CCDC171: variants seen among roughly 807,000 people sequenced by gnomAD.
CCDC171 encodes the protein coiled-coil domain-containing protein 171.
A neutral mutation model predicts 168.2 loss-of-function variants in CCDC171; 177 were observed. That is an observed-to-expected ratio of 1.05 (90% CI 0.93 to 1.19). The LOEUF (loss-of-function observed/expected upper bound fraction) is 1.19. Ranked by LOEUF, CCDC171 falls within the 50% of genes most tolerant of loss-of-function variation. CCDC171 has a pLI of 0.00. For missense variants in CCDC171, 1,991 were observed against 1,539.0 expected (o/e 1.29, Z -4.91); for synonymous variants, 687 against 540.8 (o/e 1.27, Z -3.75).
chr9:15,646,016 AAAG>A lies in CCDC171; in HGVS notation c.823-11110_823-11108del, dbSNP rs535381567. On this transcript the variant is annotated intron_variant, in intron 7 of 25. Transcript: ENST00000380701. Reference sequence around the variant, plus strand: ...CAGAGAGAAAGGTCGGGTTACCCACAAAGGGAAGCCCATCAGACTAACAGTGGA... The same window carrying A: ...CAGAGAGAAAGGTCGGGTTACCCACAGGAAGCCCATCAGACTAACAGTGGA... Among the ~76,000 whole-genome samples, 32 of 152,332 alleles carry A rather than the reference AAAG, an allele frequency of 2.1e-4. No individual in the cohort carries two copies. In the East Asian group the frequency reaches 4.4e-3, roughly 21 times the overall value.
At chr9:16,106,016 G>C in the CCDC171 span, among the ~76,000 whole-genome samples, 2 of 152,160 alleles carry the variant, frequency 1.3e-5, no homozygotes, top group East Asian at 3.9e-4. Context: ...CCACCCTTTG[G>C]CTTGGTCCAA....
chr9:15,638,839 C>A (rs983911384), intron 7 of CCDC171, among the ~76,000 whole-genome samples: 2 of 151,596 alleles, frequency 1.3e-5, no homozygotes, highest in African/African-American at 4.8e-5. Flanking sequence ...GAAAAGCAAA[C>A]TGGAAAAAGA....
chr9:15,777,240 A>T (rs2057374905), intron 18 of CCDC171, among the ~76,000 whole-genome samples: 1 of 152,220 alleles, frequency 6.6e-6, no homozygotes, highest in Non-Finnish European at 1.5e-5. Flanking sequence ...CTTGTCTGAG[A>T]ATATAAATAG....
intron 6 of CCDC171, among the ~76,000 whole-genome samples, chr9:15,621,576 G>A (rs544129070): frequency 7.9e-5 from 12 of 152,082 alleles, no homozygotes; most frequent in Non-Finnish European, 1.8e-4. Context: ...TAAGAATAAG[G>A]AATTGGAATC....
intron 4 of CCDC171, among the ~76,000 whole-genome samples, chr9:15,584,534 G>C (rs1465753421): frequency 6.6e-6 from 1 of 152,178 alleles, no homozygotes; most frequent in Non-Finnish European, 1.5e-5. Context: ...CAGCAAGCCT[G>C]TTTGTTCAGT....
intron 4 of CCDC171, among the ~76,000 whole-genome samples, chr9:16,021,250 G>T (rs1833154840): frequency 6.6e-6 from 1 of 152,144 alleles, no homozygotes; most frequent in African/African-American, 2.4e-5. Context: ...ACCACACCCA[G>T]CTAGTTTTTG....
At chr9:15,554,404 G>T (rs1322399839) in intron 1 of CCDC171, among the ~76,000 whole-genome samples, 1 of 152,174 alleles carries the variant, frequency 6.6e-6, no homozygotes, top group Non-Finnish European at 1.5e-5. Flanking sequence ...TTCATAAAAT[G>T]CAGAGGAAAC....
chr9:15,825,922 T>C (rs114312075), intron 21 of CCDC171, among the ~76,000 whole-genome samples: 1,870 of 152,244 alleles, frequency 0.012, 37 homozygotes, highest in African/African-American at 0.043. Flanking sequence ...GAAATAATAC[T>C]CCATAGACTC....
intron 22 of CCDC171, among the ~76,000 whole-genome samples, chr9:15,847,565 G>T (rs899797959): frequency 6.6e-6 from 1 of 151,904 alleles, no homozygotes; most frequent in Non-Finnish European, 1.5e-5. Context: ...ACAGTTCTTT[G>T]TACAACAGCA....
intron 21 of CCDC171, among the ~76,000 whole-genome samples, chr9:15,812,006 G>C (rs2059377357): frequency 6.6e-6 from 1 of 152,102 alleles, no homozygotes; most frequent in Non-Finnish European, 1.5e-5. Context: ...TGTATCTAAT[G>C]ATCCTACACG....
At chr9:15,805,195 T>C (rs1020954275) in intron 21 of CCDC171, among the ~76,000 whole-genome samples, 10 of 152,140 alleles carry the variant, frequency 6.6e-5, no homozygotes, top group Admixed American at 6.5e-4. Context: ...AAAAGCCAAC[T>C]CCTGGATTTG....
At chr9:15,609,453 T>C (rs2043490989) in intron 6 of CCDC171, among the ~76,000 whole-genome samples, 2 of 152,286 alleles carry the variant, frequency 1.3e-5, no homozygotes, top group Middle Eastern at 3.4e-3. Context: ...TATATTTTTT[T>C]ATAGTTGTGA....
At chr9:15,755,557 C>T (rs2056054350) in intron 18 of CCDC171, among the ~76,000 whole-genome samples, 1 of 151,968 alleles carries the variant, frequency 6.6e-6, no homozygotes, top group African/African-American at 2.4e-5. Flanking sequence ...AAAAGAAAAC[C>T]CAGATGTCTA....
chr9:16,056,518 C>T (rs1035805050), intron 1 of CCDC171, among the ~76,000 whole-genome samples: 3 of 152,134 alleles, frequency 2.0e-5, no homozygotes, highest in Non-Finnish European at 4.4e-5. Flanking sequence ...GATGGAGTCT[C>T]GTTCTGTGGC....
intron 21 of CCDC171, among the ~76,000 whole-genome samples, chr9:15,844,393 T>C (rs1191952709): frequency 2.0e-5 from 3 of 152,056 alleles, no homozygotes; most frequent in Non-Finnish European, 4.4e-5. Flanking sequence ...TATTCTGTTT[T>C]TGTTATTTAA....
At chr9:16,059,579 A>G (rs1833899961) in intron 1 of CCDC171, among the ~76,000 whole-genome samples, 2 of 140,246 alleles carry the variant, frequency 1.4e-5, no homozygotes, top group Non-Finnish European at 3.0e-5. Flanking sequence ...CAGTGGCGCA[A>G]TCTCGGCTCA....
chr9:15,585,975 C>CA (rs1463289365), intron 4 of CCDC171, among the ~76,000 whole-genome samples: 1 of 151,626 alleles, frequency 6.6e-6, no homozygotes, highest in Non-Finnish European at 1.5e-5. Context: ...GACTCTGTCT[C>CA]AAAAAAACAA....
intron 25 of CCDC171, among the ~76,000 whole-genome samples, chr9:15,923,701 A>G (rs1357042465): frequency 1.3e-5 from 2 of 151,584 alleles, no homozygotes; most frequent in Non-Finnish European, 3.0e-5. Flanking sequence ...TAATAGCTAG[A>G]TCTAACAATT....
chr9:15,930,244 C>T (rs956184921), intron 25 of CCDC171, among the ~76,000 whole-genome samples: 1 of 151,674 alleles, frequency 6.6e-6, no homozygotes, highest in Admixed American at 6.6e-5. Context: ...ATTTTTCCCA[C>T]ACCAAATTTT....
Sources: allele counts gnomAD v4.1 joint callset (sites outside exome capture counted in the v4.1 genomes callset), GRCh38; gene constraint gnomAD v4.1.1; transcripts MANE v1.5; gene names NCBI Gene and HGNC (gene_info 2026-07-23, HGNC 2026-07-21).